Variants in CACNA2D1 observed in about 807,000 individuals in gnomAD.
The protein encoded by CACNA2D1 is calcium voltage-gated channel auxiliary subunit alpha2delta 1.
In CACNA2D1, 53 loss-of-function variants were observed where a neutral mutation model predicts 171.5. The ratio of observed to expected loss-of-function variants is 0.31; its 90% CI spans 0.25 to 0.39. The LOEUF (loss-of-function observed/expected upper bound fraction) is 0.39, where lower values mean the gene tolerates loss of function less well. Among genes scored for constraint, CACNA2D1 ranks in the 10% least tolerant of loss-of-function variants. The pLI is 1.00. For synonymous variants in CACNA2D1, 442 were observed against 443.1 expected (o/e 1.00, Z 0.03); for missense variants, 903 against 1,299.8 (o/e 0.69, Z 4.69).
intron 1 of CACNA2D1, among the ~76,000 whole-genome samples, chr7:82,392,862 T>C (rs996928068): frequency 2.0e-5 from 3 of 151,730 alleles, no homozygotes; most frequent in African/African-American, 7.3e-5. Flanking sequence ...CTATAAGGCA[T>C]TGGGAAAAAA....
intron 7 of CACNA2D1, among the ~76,000 whole-genome samples, chr7:82,084,349 G>A (rs1428108454): frequency 2.0e-5 from 3 of 152,082 alleles, no homozygotes; most frequent in Admixed American, 6.5e-5. Flanking sequence ...ACAGATCCAC[G>A]TCTACTGATT....
intron 1 of CACNA2D1, among the ~76,000 whole-genome samples, chr7:82,439,465 T>C (rs1830337417): frequency 1.3e-5 from 2 of 151,848 alleles, no homozygotes; most frequent in Non-Finnish European, 2.9e-5. Flanking sequence ...ATGAACCACC[T>C]ACTTTATATT....
intron 3 of CACNA2D1, among the ~76,000 whole-genome samples, chr7:82,292,634 C>T (rs1811788385): frequency 6.6e-6 from 1 of 151,994 alleles, no homozygotes; most frequent in Non-Finnish European, 1.5e-5. Flanking sequence ...AGTCTACTGC[C>T]TTTTTGACTA....
intron 1 of CACNA2D1, among the ~76,000 whole-genome samples, chr7:82,372,149 C>T (rs542368783): frequency 3.0e-4 from 46 of 152,152 alleles, no homozygotes; most frequent in Non-Finnish European, 5.7e-4. Context: ...AACTAAACTT[C>T]AATTTCATAT....
intron 1 of CACNA2D1, among the ~76,000 whole-genome samples, chr7:82,375,535 G>T (rs1439941356): frequency 6.6e-6 from 1 of 152,200 alleles, no homozygotes; most frequent in East Asian, 1.9e-4. Context: ...CCAGCCCCAT[G>T]GCGCCTCTTT....
intron 6 of CACNA2D1, among the ~76,000 whole-genome samples, chr7:82,086,598 A>C (rs1056851834): frequency 6.6e-6 from 1 of 152,158 alleles, no homozygotes; most frequent in African/African-American, 2.4e-5. Context: ...AATATACAAA[A>C]TAGCATAGAA....
At chr7:82,313,116 A>T (rs1814679343) in intron 3 of CACNA2D1, among the ~76,000 whole-genome samples, 1 of 152,180 alleles carries the variant, frequency 6.6e-6, no homozygotes. Context: ...CTGATTCAAG[A>T]GGATATGAGC....
intron 29 of CACNA2D1, among the ~76,000 whole-genome samples, chr7:81,968,476 T>A (rs1022744654): frequency 3.3e-5 from 5 of 151,446 alleles, no homozygotes; most frequent in African/African-American, 1.2e-4. Context: ...ATATGCCATA[T>A]TTATCTTTTC....
At chr7:82,407,040 C>T (rs1048826307) in intron 1 of CACNA2D1, among the ~76,000 whole-genome samples, 1 of 152,124 alleles carries the variant, frequency 6.6e-6, no homozygotes, top group African/African-American at 2.4e-5. Flanking sequence ...GATAAAGAGG[C>T]CTTACTGGCA....
intron 1 of CACNA2D1, among the ~76,000 whole-genome samples, chr7:82,422,329 A>G (rs1332515053): frequency 6.6e-6 from 1 of 152,122 alleles, no homozygotes; most frequent in Admixed American, 6.6e-5. Flanking sequence ...TTGATGAATA[A>G]CCTCCATGAT....
At chr7:82,424,642 C>A (rs1414850569) in intron 1 of CACNA2D1, among the ~76,000 whole-genome samples, 4 of 152,128 alleles carry the variant, frequency 2.6e-5, no homozygotes, top group Non-Finnish European at 4.4e-5. Context: ...TATTTATTGA[C>A]AATAATGGTA....
chr7:81,991,267 G>C (rs1300090429), intron 20 of CACNA2D1, 21 bp from the exon 21 acceptor site: 1 of 1,238,150 alleles, frequency 8.1e-7, no homozygotes, highest in Admixed American at 1.7e-5. Context: ...GTTTAACGTG[G>C]TTATTATCAC....
At chr7:82,111,644 T>C (rs1175506320) in intron 6 of CACNA2D1, among the ~76,000 whole-genome samples, 2 of 151,360 alleles carry the variant, frequency 1.3e-5, no homozygotes, top group Non-Finnish European at 2.9e-5. Flanking sequence ...AGACAGAGTT[T>C]CACTATGTTG....
intron 4 of CACNA2D1, among the ~76,000 whole-genome samples, chr7:82,160,887 T>C (rs1329770695): frequency 1.3e-5 from 2 of 152,108 alleles, no homozygotes; most frequent in East Asian, 1.9e-4. Context: ...GTCACTATTG[T>C]AGGGAAAAAA....
chr7:81,962,146 C>A (rs1023710494), intron 35 of CACNA2D1, 123 bp from the exon 36 acceptor site: 2 of 889,608 alleles, frequency 2.2e-6, no homozygotes, highest in South Asian at 1.6e-5. Flanking sequence ...GACCCCTCGA[C>A]TGGCTTGTTT....
chr7:82,040,845 C>T (rs529608446), intron 10 of CACNA2D1, among the ~76,000 whole-genome samples: 5 of 152,106 alleles, frequency 3.3e-5, no homozygotes, highest in African/African-American at 1.2e-4. Context: ...TGTGGTGGTG[C>T]ATGCTTGTAA....
At chr7:82,225,327 G>A (rs1362498785) in intron 3 of CACNA2D1, among the ~76,000 whole-genome samples, 1 of 152,108 alleles carries the variant, frequency 6.6e-6, no homozygotes, top group Non-Finnish European at 1.5e-5. Flanking sequence ...TACTTCAAAA[G>A]ACTTATTATA....
intron 23 of CACNA2D1, 92 bp from the exon 24 acceptor site, chr7:81,982,719 A>C: frequency 1.2e-6 from 1 of 837,266 alleles, no homozygotes; most frequent in South Asian, 1.3e-5. Context: ...AAGATTACCT[A>C]ATAAGAAAAA....
intron 3 of CACNA2D1, among the ~76,000 whole-genome samples, chr7:82,269,587 G>A (rs753301576): frequency 6.6e-6 from 1 of 152,104 alleles, no homozygotes; most frequent in African/African-American, 2.4e-5. Flanking sequence ...GCATCTACAA[G>A]AATTACTTGT....
Sources: allele counts gnomAD v4.1 joint callset (sites outside exome capture counted in the v4.1 genomes callset), GRCh38; gene constraint gnomAD v4.1.1; transcripts MANE v1.5; gene names NCBI Gene and HGNC (gene_info 2026-07-23, HGNC 2026-07-21).